Variants in CDH12 observed in about 807,000 individuals in gnomAD.
CDH12 encodes the protein cadherin 12.
CDH12 carries 41 observed loss-of-function variants against 74.1 expected under a neutral mutation model. The observed-to-expected ratio is 0.55, with a 90% confidence interval of 0.43 to 0.72. The LOEUF is 0.72. Ranked by LOEUF, CDH12 falls within the 30% of genes least tolerant of loss-of-function variation. The pLI is 0.00. For synonymous variants in CDH12, 399 were observed against 355.0 expected (o/e 1.12, Z -1.39); for missense variants, 945 against 977.2 (o/e 0.97, Z 0.44).
chr5:22,436,987 G>T (rs994291072), intron 2 of CDH12, among the ~76,000 whole-genome samples: 11 of 151,888 alleles, frequency 7.2e-5, no homozygotes, highest in African/African-American at 2.7e-4. Flanking sequence ...GGAAAAGTCA[G>T]TCTTTAATTT....
At chr5:22,556,169 C>A (rs2126741297) in intron 1 of CDH12, among the ~76,000 whole-genome samples, 1 of 151,902 alleles carries the variant, frequency 6.6e-6, no homozygotes, top group South Asian at 2.1e-4. Flanking sequence ...ATAAAATACC[C>A]AAATAAGTGT....
chr5:22,654,925 C>T (rs930329061), intron 1 of CDH12, among the ~76,000 whole-genome samples: 5 of 152,132 alleles, frequency 3.3e-5, no homozygotes, highest in Admixed American at 6.5e-5. Flanking sequence ...GCCACTGTGC[C>T]GTGCCTCTTT....
chr5:21,760,547 G>A lies in CDH12; in HGVS notation c.1633+11C>T, dbSNP rs375154168. ...ATGATAAGAGGTAAATTTTTCTGTA[G>A]TTACACTTACTTCTGAAGTCACGAA... is the stretch of plus-strand genomic sequence containing the variant. On this transcript the variant is annotated intron_variant, in intron 13 of 14. Coordinates refer to ENST00000382254, the MANE Select transcript of CDH12 (RefSeq NM_004061.5). 524 of 1,362,380 alleles carry A rather than the reference G, an allele frequency of 3.8e-4. 1 individual carries two copies. Among genetic ancestry groups the A allele is most frequent in the Admixed American group, 5.8e-4 (34 of 58,216 alleles). 84.4% of individuals were successfully genotyped at this position (1,362,380 alleles called of 1,614,324 possible). A position where few individuals can be genotyped will look rare whatever the true frequency, so the allele number is the denominator to read the frequency against.
chr5:22,204,321 C>T (rs942627116), intron 4 of CDH12, among the ~76,000 whole-genome samples: 6 of 152,018 alleles, frequency 3.9e-5, no homozygotes, highest in African/African-American at 9.7e-5. Flanking sequence ...TCACCACGCC[C>T]GGTTAGTTTT....
At chr5:22,120,255 G>A (rs1157305889) in intron 4 of CDH12, among the ~76,000 whole-genome samples, 1 of 151,976 alleles carries the variant, frequency 6.6e-6, no homozygotes, top group Non-Finnish European at 1.5e-5. Flanking sequence ...TTTTGTCCTT[G>A]GCATCATGGT....
intron 2 of CDH12, among the ~76,000 whole-genome samples, chr5:22,502,643 C>T (rs1736220682): frequency 7.2e-6 from 1 of 139,620 alleles, no homozygotes; most frequent in Non-Finnish European, 1.6e-5. Flanking sequence ...TCTTTACACA[C>T]ACACACACGC....
rs565067847 is a variant in CDH12 at position 22,745,742 on chromosome 5, G to A, written c.-523+107316C>T. On this transcript the variant is annotated intron_variant, in intron 1 of 14. Coordinates refer to ENST00000382254, the MANE Select transcript of CDH12 (RefSeq NM_004061.5). Reference sequence around the variant, plus strand: ...AACACATGGACACACAGAGCGGAACGTATCCACTGGGGCCTTTTGGAGAGT... The same window carrying A: ...AACACATGGACACACAGAGCGGAACATATCCACTGGGGCCTTTTGGAGAGT... Among the ~76,000 whole-genome samples the A allele has an allele frequency of 9.2e-5, 14 of 152,178 alleles. No individual in the cohort carries two copies. In the South Asian group the frequency reaches 2.3e-3, roughly 25 times the overall value.
intron 1 of CDH12, among the ~76,000 whole-genome samples, chr5:22,540,833 G>A (rs1738068600): frequency 6.6e-6 from 1 of 152,132 alleles, no homozygotes; most frequent in Non-Finnish European, 1.5e-5. Flanking sequence ...TCTTTCTTAT[G>A]ACAAATTTCA....
At chr5:22,696,134 T>C (rs418732) in intron 1 of CDH12, among the ~76,000 whole-genome samples, 108,388 of 151,868 alleles carry the variant, frequency 0.71, 39,129 homozygotes, top group African/African-American at 0.81. Flanking sequence ...TTTGGGAGGC[T>C]GAGGCAGGCG....
chr5:22,510,216 C>A, intron 1 of CDH12, among the ~76,000 whole-genome samples: 1 of 151,838 alleles, frequency 6.6e-6, no homozygotes, highest in East Asian at 1.9e-4. Context: ...CAAATTTGAC[C>A]AAAAATGCTT....
chr5:22,658,934 C>A (rs1166665494), intron 1 of CDH12, among the ~76,000 whole-genome samples: 1 of 152,066 alleles, frequency 6.6e-6, no homozygotes, highest in African/African-American at 2.4e-5. Context: ...TTTTATTTTT[C>A]ATTTAGAGTT....
intron 3 of CDH12, among the ~76,000 whole-genome samples, chr5:22,359,999 C>T (rs1179579752): frequency 1.3e-5 from 2 of 151,668 alleles, no homozygotes; most frequent in Admixed American, 6.6e-5. Flanking sequence ...AAATTGACAC[C>T]CTAACATCAC....
At chr5:22,271,505 C>A (rs1270323468) in intron 3 of CDH12, among the ~76,000 whole-genome samples, 1 of 152,154 alleles carries the variant, frequency 6.6e-6, no homozygotes, top group Non-Finnish European at 1.5e-5. Flanking sequence ...TTCCAAAAAA[C>A]ACAAATGTTC....
intron 4 of CDH12, among the ~76,000 whole-genome samples, chr5:22,167,041 G>A (rs1048798974): frequency 6.6e-6 from 1 of 152,084 alleles, no homozygotes; most frequent in African/African-American, 2.4e-5. Flanking sequence ...TTTTCCAACT[G>A]AGCATAATAA....
intron 13 of CDH12, among the ~76,000 whole-genome samples, chr5:21,756,569 A>T (rs1579642166): frequency 6.6e-6 from 1 of 152,316 alleles, no homozygotes; most frequent in East Asian, 1.9e-4. Context: ...TGCAATTAAT[A>T]CTTCTATTGA....
At chr5:22,506,147 G>C (rs533442790) in intron 1 of CDH12, among the ~76,000 whole-genome samples, 1 of 152,190 alleles carries the variant, frequency 6.6e-6, no homozygotes, top group African/African-American at 2.4e-5. Context: ...AGTTCCTTTT[G>C]TTCCTCCTTT....
intron 1 of CDH12, among the ~76,000 whole-genome samples, chr5:22,659,078 C>A (rs980660163): frequency 9.9e-5 from 15 of 151,972 alleles, no homozygotes; most frequent in Admixed American, 2.6e-4. Flanking sequence ...GAAATAAAAA[C>A]AAGATGATGG....
At chr5:22,021,249 C>T (rs1220944478) in intron 5 of CDH12, among the ~76,000 whole-genome samples, 1 of 152,122 alleles carries the variant, frequency 6.6e-6, no homozygotes, top group African/African-American at 2.4e-5. Flanking sequence ...TGGAATTTTT[C>T]ACATGTGGAG....
At chr5:22,281,028 A>G (rs1385559194) in intron 3 of CDH12, among the ~76,000 whole-genome samples, 1 of 152,204 alleles carries the variant, frequency 6.6e-6, no homozygotes, top group Non-Finnish European at 1.5e-5. Flanking sequence ...ATCCACTATG[A>G]TCAAGTGGGC....
Sources: gnomAD v4.1 joint callset for allele counts (sites outside exome capture counted in the v4.1 genomes callset) on GRCh38, gnomAD v4.1.1 for gene constraint, MANE v1.5 for transcripts, NCBI Gene and HGNC (gene_info 2026-07-23, HGNC 2026-07-21) for gene names.